Variants in LRIG1 observed in about 807,000 individuals in gnomAD.
The protein encoded by LRIG1 is leucine rich repeats and immunoglobulin like domains 1, also known as leucine-rich repeats and immunoglobulin-like domains protein 1.
In LRIG1, 48 loss-of-function variants were observed where a neutral mutation model predicts 99.2. The observed-to-expected ratio is 0.48, with a 90% CI of 0.38 to 0.62. The LOEUF (loss-of-function observed/expected upper bound fraction) is 0.62. Among genes scored for constraint, LRIG1 ranks in the 20% least tolerant of loss-of-function variants. The probability of loss-of-function intolerance (pLI) is 0.00; values close to 1 mark genes in which losing one functional copy is unlikely to be tolerated. For missense variants in LRIG1, 1,646 were observed against 1,434.4 expected, an observed-to-expected ratio of 1.15 and a Z score of -2.38; for synonymous variants, 772 against 596.1, an observed-to-expected ratio of 1.29 and a Z score of -4.30.
chr3:66,383,904 C>T, intron 14 of LRIG1, 87 bp downstream of exon 14: 1 of 1,525,366 alleles, frequency 6.6e-7, no homozygotes, highest in Non-Finnish European at 8.8e-7. Flanking sequence ...ACAACGCATA[C>T]CACCCCTGGC....
chr3:66,496,280 CAGTT>C (rs936543376), intron 1 of LRIG1, among the ~76,000 whole-genome samples: 11 of 152,172 alleles, frequency 7.2e-5, no homozygotes, highest in African/African-American at 2.4e-4. Context: ...TGCCAATACA[CAGTT>C]AATTTACATG....
intron 3 of LRIG1, among the ~76,000 whole-genome samples, chr3:66,434,450 A>C (rs915522870): frequency 2.2e-4 from 33 of 152,346 alleles, no homozygotes; most frequent in African/African-American, 7.7e-4. Context: ...TGAAATTAAA[A>C]AAATACAACA....
intron 6 of LRIG1, among the ~76,000 whole-genome samples, chr3:66,412,100 C>T (rs1702485385): frequency 1.3e-5 from 2 of 152,246 alleles, no homozygotes; most frequent in African/African-American, 4.8e-5. Flanking sequence ...TGCTGTTTCA[C>T]GTTACCGTGC....
chr3:66,486,268 A>ATC (rs1700972615), intron 1 of LRIG1, among the ~76,000 whole-genome samples: 2 of 152,148 alleles, frequency 1.3e-5, no homozygotes, highest in Non-Finnish European at 2.9e-5. Flanking sequence ...AAGCTTAAGG[A>ATC]AGTCGGCACT....
At chr3:66,383,477 C>T (rs1029202733) in intron 14 of LRIG1, 76 bp from the exon 15 acceptor site, 89 of 1,298,818 alleles carry the variant, frequency 6.9e-5, no homozygotes, top group Middle Eastern at 4.1e-4. Context: ...TTCTGGACAA[C>T]GGACAATCCA....
chr3:66,399,379 C>T (rs1219978866), intron 9 of LRIG1, among the ~76,000 whole-genome samples: 1 of 152,206 alleles, frequency 6.6e-6, no homozygotes, highest in Non-Finnish European at 1.5e-5. Flanking sequence ...GACCACCAAC[C>T]CTTGGGTGGT....
rs564844172 is a variant in LRIG1 at position 66,394,716 on chromosome 3, G to T, written c.1305-513C>A. ...TGATCCAAATTCTGCAACAAGTTCCGAGGAGGGCTCTTTTGCCTCATGGCT... is the reference window on the plus strand; with the variant it reads ...TGATCCAAATTCTGCAACAAGTTCCTAGGAGGGCTCTTTTGCCTCATGGCT... On this transcript the variant is annotated intron_variant, in intron 11 of 18. Transcript: ENST00000273261. 2.0e-5 allele frequency among the ~76,000 whole-genome samples: 3 copies of T among 152,198 alleles called. 1 individual carries two copies. In the South Asian group the frequency reaches 6.2e-4, roughly 32 times the overall value.
intron 11 of LRIG1, among the ~76,000 whole-genome samples, chr3:66,395,784 G>T (rs953921038): frequency 6.6e-6 from 1 of 152,174 alleles, no homozygotes; most frequent in Non-Finnish European, 1.5e-5. Flanking sequence ...CCTGCATGGG[G>T]GTCAGGGCTG....
chr3:66,398,542 C>G (rs773696438), intron 10 of LRIG1, among the ~76,000 whole-genome samples: 2 of 152,204 alleles, frequency 1.3e-5, no homozygotes, highest in African/African-American at 4.8e-5. Flanking sequence ...TCCCTTCCTC[C>G]CAGGGTCTCA....
At chr3:66,455,109 T>TA (rs1257693382) in intron 2 of LRIG1, among the ~76,000 whole-genome samples, 5 of 152,128 alleles carry the variant, frequency 3.3e-5, no homozygotes, top group Admixed American at 3.3e-4. Flanking sequence ...CACACTCAGC[T>TA]AATTTTTTTA....
chr3:66,384,973 T>A (rs1203093360), intron 13 of LRIG1, among the ~76,000 whole-genome samples: 4 of 152,200 alleles, frequency 2.6e-5, no homozygotes, highest in Non-Finnish European at 5.9e-5. Context: ...ACAACCCCAC[T>A]ACAGTGTGGT....
At chr3:66,419,385 A>C (rs1702729327) in intron 3 of LRIG1, among the ~76,000 whole-genome samples, 1 of 152,174 alleles carries the variant, frequency 6.6e-6, no homozygotes, top group Admixed American at 6.5e-5. Flanking sequence ...GCAGAAGACA[A>C]GTCTCTTTCA....
chr3:66,451,792 G>T (rs971776521), intron 2 of LRIG1, among the ~76,000 whole-genome samples, 159 bp from the exon 3 acceptor site: 1 of 152,080 alleles, frequency 6.6e-6, no homozygotes, highest in South Asian at 2.1e-4. Context: ...GTTTTTAAAG[G>T]GAAAGAAGTC....
intron 3 of LRIG1, among the ~76,000 whole-genome samples, chr3:66,435,066 A>C (rs912471198): frequency 8.4e-6 from 1 of 118,648 alleles, no homozygotes; most frequent in Non-Finnish European, 2.1e-5. Flanking sequence ...GTGAATGGTT[A>C]AAGTACGGCA....
chr3:66,436,514 C>T (rs1463947970), intron 3 of LRIG1, among the ~76,000 whole-genome samples: 2 of 152,184 alleles, frequency 1.3e-5, no homozygotes, highest in African/African-American at 4.8e-5. Flanking sequence ...TCCCACAGAA[C>T]AAGTATTCCA....
intron 8 of LRIG1, chr3:66,405,731 C>T (rs908154180): frequency 2.0e-5 from 22 of 1,116,412 alleles, no homozygotes; most frequent in South Asian, 4.2e-5. Context: ...GGCACAGGGC[C>T]GGCCCGTGGG....
Position 66,467,400 on chromosome 3 carries a change from G to A in LRIG1, c.219-4891C>T, listed in dbSNP as rs1045797679. Among the ~76,000 whole-genome samples, 5 of 129,704 alleles carry A rather than the reference G, an allele frequency of 3.9e-5. No individual in the cohort carries two copies. The East Asian group carries it at 6.7e-4, about 17-fold the overall frequency. The allele number at this position is 129,704 out of a possible 152,430, so 85.1% of individuals were successfully genotyped here. On this transcript the variant is annotated intron_variant, in intron 1 of 18. Coordinates refer to ENST00000273261, the MANE Select transcript of LRIG1 (RefSeq NM_015541.3). ...TTTTGAGATGGAGTCTCGCTCTGTC[G>A]CCCAGGCTGGCGTGCAGCGGTGCAT...
chr3:66,382,984 G>C lies in LRIG1; in HGVS notation c.2489C>G (p.Thr830Arg). The part of the protein sequence containing the change: ...KKSEEYSVTN[T>R]DETVVPPDVP... The stretch of plus-strand genomic sequence containing the variant: ...CAGCTCCGCTGGCAGGGCCTGACCT[G>C]TGTTGGTGACACTGTACTCTTCACT... Residue 830 changes from threonine to arginine, a missense_variant and splice_region_variant, in exon 15 of 19, where the codon ACA becomes AGA. Transcript: ENST00000273261. The C allele has an allele frequency of 6.2e-7, 1 of 1,604,004 alleles. No homozygotes were observed. Among genetic ancestry groups the C allele is most frequent in the Non-Finnish European group, 8.5e-7 (1 of 1,172,518 alleles).
rs748277089 is a variant in LRIG1 at position 66,380,697 on chromosome 3, G to A, written c.2935C>T (p.Gln979Ter). The A allele has an allele frequency of 2.5e-6, 4 of 1,614,220 alleles. No homozygotes were observed. The highest frequency in any genetic ancestry group is 3.4e-6 in the Non-Finnish European group (4 of 1,180,052). Residue 979 changes from glutamine to a stop codon, truncating the protein, a stop_gained, in exon 18 of 19, where the codon CAG (glutamine) becomes TAG (stop). Transcript: ENST00000273261. LOFTEE classifies it high-confidence loss of function. Reference protein sequence around the residue: ...GSDQEHSPHHQCSRTAAGSCP... With the variant: ...GSDQEHSPHH Reference sequence around the variant, plus strand: ...GACCCAGCGGCAGTCCTGCTGCACTGGTGATGTGGAGAATGCTCTTGGTCA... The same window carrying A: ...GACCCAGCGGCAGTCCTGCTGCACTAGTGATGTGGAGAATGCTCTTGGTCA...
Sources: gnomAD v4.1 joint callset for allele counts (sites outside exome capture counted in the v4.1 genomes callset) on GRCh38, gnomAD v4.1.1 for gene constraint, MANE v1.5 for transcripts, NCBI Gene and HGNC (gene_info 2026-07-23, HGNC 2026-07-21) for gene names.